PRDM16: variants seen among roughly 807,000 people sequenced by gnomAD.
PRDM16 encodes the protein PR/SET domain 16.
PRDM16 carries 23 observed loss-of-function variants against 110.6 expected under a neutral mutation model. The ratio of observed to expected loss-of-function variants is 0.21; its 90% CI spans 0.15 to 0.29. The LOEUF is 0.29. Among genes scored for constraint, PRDM16 ranks in the 10% least tolerant of loss-of-function variants. PRDM16 has a pLI of 1.00. For missense variants in PRDM16, 1,615 were observed against 1,794.3 expected, an observed-to-expected ratio of 0.90 and a Z score of 1.81; for synonymous variants, 799 against 781.8, an observed-to-expected ratio of 1.02 and a Z score of -0.37.
intron 3 of PRDM16, among the ~76,000 whole-genome samples, chr1:3,367,738 A>G (rs1410703068): frequency 6.6e-6 from 1 of 152,356 alleles, no homozygotes; most frequent in African/African-American, 2.4e-5. Context: ...TTCTGAATGT[A>G]TGTTTTATAC....
intron 1 of PRDM16, among the ~76,000 whole-genome samples, chr1:3,095,796 G>C (rs1642384169): frequency 6.6e-6 from 1 of 152,028 alleles, no homozygotes; most frequent in African/African-American, 2.4e-5. Flanking sequence ...GGGTCCATCT[G>C]CCCCTTGGAA....
At chr1:3,398,195 C>T (rs935353301) in intron 5 of PRDM16, among the ~76,000 whole-genome samples, 8 of 152,150 alleles carry the variant, frequency 5.3e-5, no homozygotes, top group African/African-American at 1.4e-4. Context: ...TTCATTTGTA[C>T]GATGAAATTT....
chr1:3,194,744 T>TCTCCC (rs1638420623), intron 2 of PRDM16, among the ~76,000 whole-genome samples: 1 of 116,714 alleles, frequency 8.6e-6, no homozygotes, highest in African/African-American at 4.5e-5. Context: ...CACCGTCTGA[T>TCTCCC]CGCCACACAT....
At position 3,245,069 on chromosome 1, in the gene PRDM16, G is replaced by A. The variant is rs755358012; in HGVS notation, c.438+932G>A. On this transcript the variant is annotated intron_variant, in intron 3 of 16. Coordinates refer to ENST00000270722, the MANE Select transcript of PRDM16 (RefSeq NM_022114.4). The surrounding 1 kb of genome is among the most constrained non-coding windows in gnomAD (Gnocchi z 4.7). ...CCACCCAGACAGCATCGCAGGGGGC[G>A]GGGTGGGGCGGGGTGCACCATGGGG... Among the ~76,000 whole-genome samples the A allele has an allele frequency of 1.5e-4, 23 of 152,160 alleles. No individual in the cohort carries two copies. The highest frequency in any genetic ancestry group is 2.9e-4 in the Non-Finnish European group (20 of 68,034).
At chr1:3,277,120 G>A (rs1017804287) in intron 3 of PRDM16, among the ~76,000 whole-genome samples, 7 of 152,174 alleles carry the variant, frequency 4.6e-5, no homozygotes, top group Non-Finnish European at 8.8e-5. Context: ...GCTGCCTGTG[G>A]TCTCTGCACA....
chr1:3,357,288 C>T (rs1194604292), intron 3 of PRDM16, among the ~76,000 whole-genome samples: 2 of 152,118 alleles, frequency 1.3e-5, no homozygotes, highest in Non-Finnish European at 2.9e-5. Context: ...CTCCTGAAAA[C>T]GAAGGCTGCA....
intron 12 of PRDM16, among the ~76,000 whole-genome samples, chr1:3,422,247 G>A (rs1036723381): frequency 6.8e-6 from 1 of 147,038 alleles, no homozygotes; most frequent in Non-Finnish European, 1.5e-5. Flanking sequence ...AGACAGGCAA[G>A]AAGGCAGACA....
At chr1:3,250,578 C>T (rs2100216651) in intron 3 of PRDM16, among the ~76,000 whole-genome samples, 1 of 152,216 alleles carries the variant, frequency 6.6e-6, no homozygotes, top group African/African-American at 2.4e-5. Flanking sequence ...AGAGGTGCAG[C>T]TAATTACCGT....
chr1:3,135,741 C>T (rs555706542), intron 1 of PRDM16, among the ~76,000 whole-genome samples: 1 of 152,232 alleles, frequency 6.6e-6, no homozygotes, highest in Non-Finnish European at 1.5e-5. Context: ...CGGGTTACCC[C>T]GAGAAACAGG....
rs1642656956 is a variant in PRDM16 at position 3,358,668 on chromosome 1, A to G, written c.439-26484A>G. 6.6e-6 allele frequency among the ~76,000 whole-genome samples: 1 copy of G among 152,164 alleles called. No homozygotes were observed. Among genetic ancestry groups the G allele is most frequent in the African/African-American group, 2.4e-5 (1 of 41,432 alleles). ...GAACACGACACAGACCATCCTTCCC[A>G]GAGCAGCAGGCCGGCTGGGGCTCCC... is the stretch of plus-strand genomic sequence containing the variant. On this transcript the variant is annotated intron_variant, in intron 3 of 16. Coordinates refer to ENST00000270722, the MANE Select transcript of PRDM16 (RefSeq NM_022114.4). This position sits in a 1 kb window ranked among gnomAD's most constrained non-coding sequence, Gnocchi z 4.0.
At chr1:3,076,558 A>G (rs1641905624) in intron 1 of PRDM16, among the ~76,000 whole-genome samples, 2 of 152,192 alleles carry the variant, frequency 1.3e-5, no homozygotes, top group Non-Finnish European at 2.9e-5. Flanking sequence ...GTCCCCGGGC[A>G]GAAGCACTGG....
intron 3 of PRDM16, among the ~76,000 whole-genome samples, chr1:3,373,461 G>A (rs760920578): frequency 2.6e-5 from 4 of 152,214 alleles, no homozygotes; most frequent in Non-Finnish European, 4.4e-5. Flanking sequence ...CGTTGCAGAC[G>A]TTTCTCAGCA....
intron 1 of PRDM16, among the ~76,000 whole-genome samples, chr1:3,173,825 C>A (rs1025214266): frequency 1.3e-5 from 2 of 152,218 alleles, no homozygotes; most frequent in Non-Finnish European, 2.9e-5. Context: ...GTGGTTTATG[C>A]TCCCGGTGCA....
intron 3 of PRDM16, among the ~76,000 whole-genome samples, chr1:3,254,888 G>A (rs912092530): frequency 8.5e-5 from 13 of 152,190 alleles, no homozygotes; most frequent in Non-Finnish European, 1.9e-4. Context: ...GAGGCATCAT[G>A]CTACCTGACT....
chr1:3,366,309 G>T lies in PRDM16; in HGVS notation c.439-18843G>T, dbSNP rs375705560. 4.9e-4 allele frequency among the ~76,000 whole-genome samples: 75 copies of T among 152,372 alleles called. 1 individual carries two copies. The highest frequency in any genetic ancestry group is 1.7e-3 in the African/African-American group (72 of 41,596). Reference sequence around the variant, plus strand: ...CAGACCCAGTGCAGCAGGACTCCGGGACGCGCTGATGTCCTGACGGGAAGG... The same window carrying T: ...CAGACCCAGTGCAGCAGGACTCCGGTACGCGCTGATGTCCTGACGGGAAGG... On this transcript the variant is annotated intron_variant, in intron 3 of 16. Transcript: ENST00000270722.
At chr1:3,173,943 G>T (rs952840697) in intron 1 of PRDM16, among the ~76,000 whole-genome samples, 1 of 152,222 alleles carries the variant, frequency 6.6e-6, no homozygotes, top group African/African-American at 2.4e-5. Context: ...GTTCTCGGCC[G>T]GGCCCGTGCT....
chr1:3,112,934 G>A (rs1642830116), intron 1 of PRDM16, among the ~76,000 whole-genome samples: 1 of 152,280 alleles, frequency 6.6e-6, no homozygotes, highest in Admixed American at 6.5e-5. Flanking sequence ...ACTCACTGAG[G>A]TCACATGTGC....
At chr1:3,159,410 C>T (rs1282759271) in intron 1 of PRDM16, among the ~76,000 whole-genome samples, 1 of 152,226 alleles carries the variant, frequency 6.6e-6, no homozygotes, top group Non-Finnish European at 1.5e-5. Context: ...CTCCCAAGGC[C>T]TCTCTCCTTG....
chr1:3,145,906 G>C (rs969390685), intron 1 of PRDM16, among the ~76,000 whole-genome samples: 3 of 152,212 alleles, frequency 2.0e-5, no homozygotes, highest in African/African-American at 7.2e-5. Context: ...CCCGGGGTCA[G>C]GCTGACGTCC....
Sources: allele counts gnomAD v4.1 joint callset (sites outside exome capture counted in the v4.1 genomes callset), GRCh38; gene constraint gnomAD v4.1.1; non-coding constraint Gnocchi (gnomAD v3.1); transcripts MANE v1.5; gene names NCBI Gene and HGNC (gene_info 2026-07-23, HGNC 2026-07-21).